GAB4: variants seen among roughly 807,000 people sequenced by gnomAD.
GAB4 encodes GRB2-associated-binding protein 4.
A neutral mutation model predicts 51.3 loss-of-function variants in GAB4; 26 were observed. That is an observed-to-expected ratio of 0.51 (90% CI 0.37 to 0.70). GAB4 has a LOEUF of 0.70. GAB4 is among the 30% of genes least tolerant of loss of function. The pLI is 0.00. For synonymous variants in GAB4, 329 were observed against 291.2 expected (o/e 1.13, Z -1.32); for missense variants, 759 against 734.6 (o/e 1.03, Z -0.38).
At chr22:16,964,012 T>C (rs1309874271) in intron 8 of GAB4, among the ~76,000 whole-genome samples, 183 bp from the exon 9 acceptor site, 1 of 152,058 alleles carries the variant, frequency 6.6e-6, no homozygotes, top group Non-Finnish European at 1.5e-5. Flanking sequence ...CTACTGTGCC[T>C]CTCCTTCACA....
intron 2 of GAB4, 70 bp from the exon 3 acceptor site, chr22:16,988,237 G>C (rs775973742): frequency 2.9e-5 from 29 of 987,766 alleles, no homozygotes; most frequent in Non-Finnish European, 4.0e-5. Flanking sequence ...AACACATGAA[G>C]ACAGTGGCGG....
At chr22:17,002,669 G>C (rs913543780) in intron 1 of GAB4, among the ~76,000 whole-genome samples, 2 of 152,044 alleles carry the variant, frequency 1.3e-5, no homozygotes, top group Admixed American at 1.3e-4. Context: ...TCACACACTG[G>C]GGCCTGTTGT....
At chr22:16,985,789 G>A (rs1335006282) in intron 3 of GAB4, among the ~76,000 whole-genome samples, 1 of 152,216 alleles carries the variant, frequency 6.6e-6, no homozygotes, top group African/African-American at 2.4e-5. Flanking sequence ...CCTCAAATGT[G>A]CCATCTCACT....
chr22:16,989,938 G>A (rs2060900132), intron 2 of GAB4, among the ~76,000 whole-genome samples: 1 of 152,166 alleles, frequency 6.6e-6, no homozygotes, highest in African/African-American at 2.4e-5. Context: ...AGGCCTTTCT[G>A]GGGCTCCCTG....
At chr22:16,966,600 C>T in intron 5 of GAB4, 1 of 534,992 alleles carries the variant, frequency 1.9e-6, no homozygotes, top group South Asian at 2.6e-5. Flanking sequence ...GACTTTGGAG[C>T]AGCTTCCATG....
intron 2 of GAB4, 101 bp from the exon 3 acceptor site, chr22:16,988,268 T>C: frequency 1.3e-6 from 1 of 782,474 alleles, no homozygotes; most frequent in Non-Finnish European, 2.2e-6. Context: ...CCAGCACTCT[T>C]CCTCTCACAT....
chr22:16,964,757 A>T lies in GAB4; in HGVS notation c.1476+9T>A. The T allele has an allele frequency of 6.3e-7, 1 of 1,591,052 alleles. No individual in the cohort carries two copies. The highest frequency in any genetic ancestry group is 8.6e-7 in the Non-Finnish European group (1 of 1,159,272). On this transcript the variant is annotated intron_variant, in intron 8 of 9. Transcript: ENST00000400588. Reference sequence around the variant, plus strand: ...GATAGGAGCCTTACAGTGACCCCCAAGGACTCACCGGGAAAAGATACCTCT... The same window carrying T: ...GATAGGAGCCTTACAGTGACCCCCATGGACTCACCGGGAAAAGATACCTCT...
In GAB4 at chr22:16,992,252, G is replaced by A. The variant is rs562538343; in HGVS notation, c.175-76C>T. ...TTTAACAGGTCTGAGACATCACTAA[G>A]TTAAGGATGGGACTCGGACCTGCAC... is the stretch of plus-strand genomic sequence containing the variant. On this transcript the variant is annotated intron_variant, in intron 1 of 9. Transcript: ENST00000400588. 67 of 1,325,164 alleles carry A rather than the reference G, an allele frequency of 5.1e-5. 1 individual carries two copies. In the African/African-American group the frequency reaches 6.0e-4, roughly 12 times the overall value. 82.1% of individuals were successfully genotyped at this position (1,325,164 alleles called of 1,614,324 possible).
Position 16,966,288 on chromosome 22 carries a change from G to A in GAB4, c.1100C>T (p.Pro367Leu), listed in dbSNP as rs1440199189. ...GSCVPMNPGS[P>L]TLPAVKQAGD... Reference sequence around the variant, plus strand: ...TGCTTGCTTCACAGCCGGCAGGGTAGGGGAGCCTGGGTTCATGGGCACACA... The same window carrying A: ...TGCTTGCTTCACAGCCGGCAGGGTAAGGGAGCCTGGGTTCATGGGCACACA... The change falls in exon 6 of 10, where the codon CCT (proline) becomes CTT (leucine). Residue 367 changes from proline to leucine, a missense_variant. By Grantham distance (98) the Pro-to-Leu change is moderately conservative. Around this residue, in one of 3 missense-constraint regions of GAB4, gnomAD observed 588 missense variants for 510.2 expected, o/e 1.15. Coordinates refer to ENST00000400588, the MANE Select transcript of GAB4 (RefSeq NM_001037814.1). The A allele has an allele frequency of 6.2e-7, 1 of 1,613,838 alleles. No homozygotes were observed. The highest frequency in any genetic ancestry group is 2.2e-5 in the East Asian group (1 of 44,878).
chr22:17,003,319 A>T (rs899856508), intron 1 of GAB4, among the ~76,000 whole-genome samples: 3 of 152,194 alleles, frequency 2.0e-5, no homozygotes, highest in Non-Finnish European at 2.9e-5. Flanking sequence ...TCAGCTCTGG[A>T]CCAAGTGGAC....
At chr22:17,004,550 A>C (rs1222124454) in intron 1 of GAB4, among the ~76,000 whole-genome samples, 1 of 152,220 alleles carries the variant, frequency 6.6e-6, no homozygotes, top group Non-Finnish European at 1.5e-5. Context: ...GTAATCCATC[A>C]CACAAAAAGA....
intron 1 of GAB4, among the ~76,000 whole-genome samples, chr22:16,995,816 C>T (rs1413479879): frequency 6.6e-6 from 1 of 152,152 alleles, no homozygotes; most frequent in Admixed American, 6.5e-5. Context: ...TCACCAACAT[C>T]AAAGACCAAA....
chr22:16,965,885 T>A, intron 6 of GAB4, among the ~76,000 whole-genome samples: 1 of 152,180 alleles, frequency 6.6e-6, no homozygotes, highest in Non-Finnish European at 1.5e-5. Context: ...ACTGGACACC[T>A]GCTGTGAGCC....
In GAB4 at chr22:16,966,364, G is replaced by A; in HGVS notation, c.1024C>T (p.Pro342Ser). The A allele has an allele frequency of 1.2e-6, 2 of 1,610,154 alleles. No individual in the cohort carries two copies. Among genetic ancestry groups the A allele is most frequent in the Non-Finnish European group, 1.7e-6 (2 of 1,177,566 alleles). ...GACAGGCCCACAAGCGTTCTTCCTG[G>A]CTAGGAAGAGGACAGTGAAAGAAAC... ...SMHEGVCSFL[P>S]GRTLVGLSDS... The change falls in exon 6 of 10, where the codon CCA (proline) becomes TCA (serine). Residue 342 changes from proline to serine, a missense_variant and splice_region_variant. Transcript: ENST00000400588.
chr22:16,962,973 G>A (rs566406835), intron 9 of GAB4, 97 bp from the exon 10 acceptor site: 12 of 1,211,432 alleles, frequency 9.9e-6, no homozygotes, highest in South Asian at 3.0e-5. Flanking sequence ...CTTTCTCAGG[G>A]GGAAGGAACC....
rs561805886 is a variant in GAB4 at position 16,982,284 on chromosome 22, A to G, written c.686+5676T>C. ...ATAATCTTATATTTAGGAAAACTTA[A>G]AAATGCCAAAAGGCTGTTGGAACAG... On this transcript the variant is annotated intron_variant, in intron 3 of 9. Transcript: ENST00000400588. 1.8e-4 allele frequency among the ~76,000 whole-genome samples: 27 copies of G among 152,346 alleles called. 1 individual carries two copies. In the South Asian group the frequency reaches 5.6e-3, roughly 32 times the overall value.
intron 3 of GAB4, among the ~76,000 whole-genome samples, chr22:16,973,802 T>C (rs1211441802): frequency 1.3e-5 from 2 of 151,750 alleles, no homozygotes; most frequent in African/African-American, 4.8e-5. Context: ...TTCCTCCCTG[T>C]TCCCACAGCA....
chr22:17,000,578 T>G (rs1168268801), intron 1 of GAB4, among the ~76,000 whole-genome samples: 1 of 152,236 alleles, frequency 6.6e-6, no homozygotes, highest in Non-Finnish European at 1.5e-5. Context: ...CTGATGGGTC[T>G]TGACTCTTTA....
intron 3 of GAB4, among the ~76,000 whole-genome samples, chr22:16,986,336 C>G (rs9605186): frequency 6.6e-6 from 1 of 152,184 alleles, no homozygotes; most frequent in Non-Finnish European, 1.5e-5. Context: ...GGCACCAACA[C>G]GAAGCACTGT....
Sources: allele counts gnomAD v4.1 joint callset (sites outside exome capture counted in the v4.1 genomes callset), GRCh38; gene constraint gnomAD v4.1.1; regional missense constraint gnomAD v4.1.1; transcripts MANE v1.5; gene names NCBI Gene and HGNC (gene_info 2026-07-23, HGNC 2026-07-21).